TENT2: variants seen among roughly 807,000 people sequenced by gnomAD.
TENT2 encodes terminal nucleotidyltransferase 2.
A neutral mutation model predicts 72.2 loss-of-function variants in TENT2; 44 were observed. That is an observed-to-expected ratio of 0.61 (90% CI 0.48 to 0.78). The LOEUF (loss-of-function observed/expected upper bound fraction) is 0.78. Among genes scored for constraint, TENT2 ranks in the 30% least tolerant of loss-of-function variants. TENT2 has a pLI of 0.00. For synonymous variants in TENT2, 212 were observed against 192.5 expected (o/e 1.10, Z -0.84); for missense variants, 541 against 569.6 (o/e 0.95, Z 0.51).
At chr5:79,632,735 T>C (rs1776535960) in intron 4 of TENT2, among the ~76,000 whole-genome samples, 1 of 152,226 alleles carries the variant, frequency 6.6e-6, no homozygotes, top group African/African-American at 2.4e-5. Flanking sequence ...GGGATAGTTA[T>C]CTTACAGATC....
chr5:79,626,164 C>T (rs1769593142), intron 4 of TENT2, among the ~76,000 whole-genome samples: 2 of 151,864 alleles, frequency 1.3e-5, no homozygotes, highest in Non-Finnish European at 2.9e-5. Context: ...AGATGAGGCT[C>T]TTGCTGTCAT....
chr5:79,669,641 G>C (rs1485434557), intron 12 of TENT2, among the ~76,000 whole-genome samples: 4 of 152,058 alleles, frequency 2.6e-5, no homozygotes, highest in East Asian at 3.9e-4. Flanking sequence ...AAAGCTTGAG[G>C]GGGGAAGAGA....
intron 12 of TENT2, among the ~76,000 whole-genome samples, chr5:79,679,252 T>C (rs1226569577): frequency 6.6e-6 from 1 of 152,188 alleles, no homozygotes; most frequent in African/African-American, 2.4e-5. Context: ...TAAATATGTG[T>C]TGAAAACCTG....
At chr5:79,683,313 TCA>T (rs111701863) in intron 14 of TENT2, among the ~76,000 whole-genome samples, 22,803 of 145,222 alleles carry the variant, frequency 0.16, 2,643 homozygotes, top group African/African-American at 0.33. Flanking sequence ...ACGCACATGC[TCA>T]CACACACACA....
At position 79,686,319 on chromosome 5, in the gene TENT2, G is replaced by T. The variant is rs1167614543; in HGVS notation, c.*1046G>T. ...TTAGTATTTCTTTTTTCACATGAAA[G>T]AAGTGGTGGCTGCTAAAAAAAAAGC... On this transcript the variant is annotated 3_prime_UTR_variant, in exon 15 of 15. Coordinates refer to ENST00000453514, the MANE Select transcript of TENT2 (RefSeq NM_001114394.3). 6.6e-6 allele frequency: 1 copy of T among 151,874 alleles called. No homozygotes were observed. Among genetic ancestry groups the T allele is most frequent in the Non-Finnish European group, 1.5e-5 (1 of 67,952 alleles). The allele number at this position is 151,874 out of a possible 1,614,324, so 9.4% of individuals were successfully genotyped here.
intron 10 of TENT2, among the ~76,000 whole-genome samples, chr5:79,654,542 T>C (rs1796537056): frequency 6.6e-6 from 1 of 152,178 alleles, no homozygotes; most frequent in Non-Finnish European, 1.5e-5. Flanking sequence ...AGCTTTCTGG[T>C]AGACATTTTA....
At position 79,623,240 on chromosome 5, in the gene TENT2, G is replaced by T; in HGVS notation, c.228-12G>T. 1.9e-6 allele frequency: 3 copies of T among 1,588,376 alleles called. No individual in the cohort carries two copies. The highest frequency in any genetic ancestry group is 1.8e-5 in the Admixed American group (1 of 56,946). On this transcript the variant is annotated splice_polypyrimidine_tract_variant and intron_variant, in intron 3 of 14. Transcript: ENST00000453514. The stretch of plus-strand genomic sequence containing the variant: ...GTATCTTTAATTACTAAGGTATATT[G>T]CTTGTTTTCAGGAGATTAAGCGATG...
intron 14 of TENT2, among the ~76,000 whole-genome samples, chr5:79,684,165 GAC>G (rs998701916): frequency 6.6e-6 from 1 of 152,114 alleles, no homozygotes; most frequent in African/African-American, 2.4e-5. Flanking sequence ...CAAGTAGTGA[GAC>G]AGATTTTTAG....
intron 14 of TENT2, among the ~76,000 whole-genome samples, chr5:79,682,891 A>G (rs1188725372): frequency 6.6e-6 from 1 of 152,188 alleles, no homozygotes; most frequent in Middle Eastern, 3.2e-3. Context: ...CATTGTAGAA[A>G]TGCCTTGATA....
chr5:79,651,433 A>G (rs961913915), intron 10 of TENT2, among the ~76,000 whole-genome samples: 4 of 150,392 alleles, frequency 2.7e-5, no homozygotes, highest in African/African-American at 5.0e-5. Context: ...TTATTTTGCT[A>G]TGTTAAGTAT....
At chr5:79,674,018 G>C (rs73773419) in intron 12 of TENT2, among the ~76,000 whole-genome samples, 2,875 of 152,310 alleles carry the variant, frequency 0.019, 79 homozygotes, top group African/African-American at 0.063. Context: ...AATAAACAGA[G>C]AGACAGACAA....
intron 8 of TENT2, among the ~76,000 whole-genome samples, chr5:79,646,608 T>C (rs1789228074): frequency 1.3e-5 from 2 of 152,152 alleles, no homozygotes; most frequent in South Asian, 4.1e-4. Context: ...TGTGTCAGAT[T>C]TTCCTAAAGC....
intron 11 of TENT2, among the ~76,000 whole-genome samples, chr5:79,657,930 G>A (rs1362324235): frequency 2.6e-5 from 4 of 152,116 alleles, no homozygotes; most frequent in Non-Finnish European, 5.9e-5. Flanking sequence ...CTTATTTATT[G>A]TGTCACACAA....
chr5:79,654,805 C>G (rs973262481), intron 10 of TENT2, among the ~76,000 whole-genome samples: 1 of 151,912 alleles, frequency 6.6e-6, no homozygotes, highest in Non-Finnish European at 1.5e-5. Flanking sequence ...GTTGTTCTTG[C>G]GCTTTCAAAA....
At chr5:79,616,000 T>C (rs922857481) in intron 1 of TENT2, among the ~76,000 whole-genome samples, 6 of 151,934 alleles carry the variant, frequency 3.9e-5, no homozygotes, top group Admixed American at 2.0e-4. Flanking sequence ...GCGATTCCCC[T>C]GCCTCAGCCT....
At chr5:79,629,235 T>A (rs891401668) in intron 4 of TENT2, among the ~76,000 whole-genome samples, 2 of 152,234 alleles carry the variant, frequency 1.3e-5, no homozygotes, top group Admixed American at 1.3e-4. Context: ...TTCTATGTTA[T>A]ATTGATACCA....
intron 11 of TENT2, among the ~76,000 whole-genome samples, chr5:79,659,939 T>A (rs923790537): frequency 6.6e-6 from 1 of 151,896 alleles, no homozygotes; most frequent in African/African-American, 2.4e-5. Context: ...AAGTTTAAGA[T>A]AAGTTAACAA....
intron 10 of TENT2, among the ~76,000 whole-genome samples, chr5:79,650,545 T>TATTTAGATTCA (rs1793028715): frequency 6.6e-6 from 1 of 152,114 alleles, no homozygotes; most frequent in Non-Finnish European, 1.5e-5. Flanking sequence ...TATTGCATTG[T>TATTTAGATTCA]TTGGTGCTCC....
At chr5:79,659,552 AAATGTATATATATATATATATAT>A (rs1800673530) in intron 11 of TENT2, among the ~76,000 whole-genome samples, 1 of 57,820 alleles carries the variant, frequency 1.7e-5, no homozygotes, top group Non-Finnish European at 2.6e-5. Context: ...AAAAAAAAAA[AAATGTATATATATATATATATAT>A]ATATATATAT....
Sources: gnomAD v4.1 joint callset for allele counts (sites outside exome capture counted in the v4.1 genomes callset) on GRCh38, gnomAD v4.1.1 for gene constraint, MANE v1.5 for transcripts, NCBI Gene and HGNC (gene_info 2026-07-23, HGNC 2026-07-21) for gene names.